The following CDC73 variants were observed in gnomAD, a reference collection of about 807,000 sequenced individuals.
CDC73 encodes cell division cycle 73.
A neutral mutation model predicts 83.7 loss-of-function variants in CDC73; 21 were observed. The ratio of observed to expected loss-of-function variants is 0.25; its 90% CI spans 0.18 to 0.36. CDC73 has a LOEUF of 0.36. Ranked by LOEUF, CDC73 falls within the 10% of genes least tolerant of loss-of-function variation. The probability of loss-of-function intolerance (pLI) is 1.00; values close to 1 mark genes in which losing one functional copy is unlikely to be tolerated. For synonymous variants in CDC73, 224 were observed against 212.9 expected (o/e 1.05, Z -0.45); for missense variants, 342 against 653.3 (o/e 0.52, Z 5.19).
intron 10 of CDC73, chr1:193,180,296 A>T: frequency 6.4e-7 from 1 of 1,553,698 alleles, no homozygotes; most frequent in Non-Finnish European, 8.7e-7. Context: ...TGTCTTTTCT[A>T]ATGTAGTTTA....
intron 10 of CDC73, among the ~76,000 whole-genome samples, chr1:193,165,527 G>A (rs1558295166): frequency 6.6e-6 from 1 of 152,182 alleles, no homozygotes; most frequent in Admixed American, 6.5e-5. Context: ...TGACATATTT[G>A]AAAGACGTGA....
chr1:193,139,668 A>G (rs1165638336), intron 6 of CDC73, among the ~76,000 whole-genome samples: 1 of 152,120 alleles, frequency 6.6e-6, no homozygotes, highest in Non-Finnish European at 1.5e-5. Context: ...TGAGGGCTAG[A>G]TATTGTTATA....
chr1:193,250,020 C>G, intron 16 of CDC73, 149 bp downstream of exon 16: 1 of 740,106 alleles, frequency 1.4e-6, no homozygotes, highest in Non-Finnish European at 2.3e-6. Context: ...ACATAATTAA[C>G]AATTTTTTAT....
intron 13 of CDC73, among the ~76,000 whole-genome samples, chr1:193,219,833 A>G (rs947566758): frequency 1.3e-5 from 2 of 152,200 alleles, no homozygotes; most frequent in Non-Finnish European, 2.9e-5. Context: ...CCCCAGTGAC[A>G]TGCAATATAC....
chr1:193,156,217 G>T (rs1183635380), intron 10 of CDC73, among the ~76,000 whole-genome samples: 3 of 152,190 alleles, frequency 2.0e-5, no homozygotes, highest in African/African-American at 7.2e-5. Flanking sequence ...TATTAGTGAG[G>T]ATTTGGTAGT....
At chr1:193,129,497 T>TTTAA (rs1675652767) in intron 2 of CDC73, among the ~76,000 whole-genome samples, 1 of 150,190 alleles carries the variant, frequency 6.7e-6, no homozygotes, top group African/African-American at 2.4e-5. Context: ...AATTTATTTA[T>TTTAA]TTATTTATTT....
At chr1:193,202,565 G>A (rs1677110199) in intron 10 of CDC73, among the ~76,000 whole-genome samples, 1 of 149,052 alleles carries the variant, frequency 6.7e-6, no homozygotes, top group South Asian at 2.1e-4. Flanking sequence ...AACTAAATGC[G>A]CAATAGTGAG....
intron 10 of CDC73, among the ~76,000 whole-genome samples, chr1:193,203,240 T>C (rs115453848): frequency 7.9e-4 from 120 of 152,236 alleles, no homozygotes; most frequent in Admixed American, 2.5e-3. Flanking sequence ...GTTGTTTAGT[T>C]TTTAAGATAC....
intron 1 of CDC73, among the ~76,000 whole-genome samples, chr1:193,123,556 TATG>T (rs1675506682): frequency 1.3e-5 from 2 of 152,230 alleles, no homozygotes; most frequent in South Asian, 4.1e-4. Flanking sequence ...TTTTTTGTCT[TATG>T]ATTTAATTAG....
intron 13 of CDC73, among the ~76,000 whole-genome samples, chr1:193,221,179 T>C (rs577113932): frequency 1.3e-5 from 2 of 152,256 alleles, no homozygotes; most frequent in East Asian, 3.9e-4. Flanking sequence ...AGGGAGCACA[T>C]TGAGAAGAGA....
intron 5 of CDC73, among the ~76,000 whole-genome samples, chr1:193,137,159 A>G (rs1346958995): frequency 2.6e-5 from 4 of 152,234 alleles, no homozygotes; most frequent in African/African-American, 4.8e-5. Context: ...AGTTATCTTT[A>G]AAATCAGTAG....
chr1:193,234,517 A>G (rs1677725245), intron 14 of CDC73, among the ~76,000 whole-genome samples: 1 of 151,838 alleles, frequency 6.6e-6, no homozygotes, highest in Admixed American at 6.6e-5. Flanking sequence ...TACAGTGTAT[A>G]CAAATCTCAT....
At chr1:193,166,578 C>A (rs543682938) in intron 10 of CDC73, among the ~76,000 whole-genome samples, 1 of 151,874 alleles carries the variant, frequency 6.6e-6, no homozygotes, top group Non-Finnish European at 1.5e-5. Flanking sequence ...GCTTACAGGC[C>A]GATAGACAAA....
At chr1:193,232,482 TAG>T (rs1448554232) in intron 13 of CDC73, among the ~76,000 whole-genome samples, 1 of 152,056 alleles carries the variant, frequency 6.6e-6, no homozygotes, top group Non-Finnish European at 1.5e-5. Context: ...ACACCCAACT[TAG>T]GGTCTGAGTG....
intron 11 of CDC73, among the ~76,000 whole-genome samples, chr1:193,208,766 C>T (rs1442298802): frequency 2.0e-5 from 3 of 152,128 alleles, no homozygotes; most frequent in African/African-American, 7.2e-5. Context: ...TTCTTCCTTT[C>T]TTCTCTGTGG....
intron 10 of CDC73, among the ~76,000 whole-genome samples, chr1:193,184,033 A>G (rs1443919793): frequency 6.6e-6 from 1 of 151,872 alleles, no homozygotes; most frequent in Admixed American, 6.6e-5. Flanking sequence ...AGTATTACAG[A>G]AAACAGCAAA....
Position 193,252,459 on chromosome 1 carries a change from G to A in CDC73, c.*1747G>A, listed in dbSNP as rs1451499167. 4.4e-6 allele frequency: 1 copy of A among 229,514 alleles called. No homozygotes were observed. The highest frequency in any genetic ancestry group is 2.2e-5 in the African/African-American group (1 of 45,130). The allele number at this position is 229,514 out of a possible 1,614,324, so 14.2% of individuals were successfully genotyped here. On this transcript the variant is annotated 3_prime_UTR_variant, in exon 17 of 17. Transcript: ENST00000367435. ...GAACTACCTTCCCATAAAGATTTTTGGTATTTGTACTTATTTATGAACTTT... is the reference window on the plus strand; with the variant it reads ...GAACTACCTTCCCATAAAGATTTTTAGTATTTGTACTTATTTATGAACTTT...
At chr1:193,224,891 TA>T (rs916050074) in intron 13 of CDC73, among the ~76,000 whole-genome samples, 15 of 151,826 alleles carry the variant, frequency 9.9e-5, no homozygotes, top group African/African-American at 2.7e-4. Flanking sequence ...CTTTTGTCTT[TA>T]AAAAAAAATT....
chr1:193,172,373 C>A (rs1558297488), intron 10 of CDC73, among the ~76,000 whole-genome samples: 1 of 150,722 alleles, frequency 6.6e-6, no homozygotes, highest in Non-Finnish European at 1.5e-5. Context: ...GAAAGATAAG[C>A]AGTTGATTGG....
Sources: allele counts gnomAD v4.1 joint callset (sites outside exome capture counted in the v4.1 genomes callset), GRCh38; gene constraint gnomAD v4.1.1; transcripts MANE v1.5; gene names NCBI Gene and HGNC (gene_info 2026-07-23, HGNC 2026-07-21).